GLI2: variants seen among roughly 807,000 people sequenced by gnomAD.
The protein encoded by GLI2 is GLI family zinc finger 2.
Under a neutral mutation model 78.9 loss-of-function variants are expected in GLI2, and 22 were observed. The ratio of observed to expected loss-of-function variants is 0.28; its 90% CI spans 0.20 to 0.40. GLI2 has a LOEUF of 0.40. Ranked by LOEUF, GLI2 falls within the 10% of genes least tolerant of loss-of-function variation. GLI2 has a pLI of 1.00. For missense variants in GLI2, 2,097 were observed against 2,213.2 expected (o/e 0.95, Z 1.05); for synonymous variants, 974 against 963.7 (o/e 1.01, Z -0.20).
chr2:120,820,608 G>A lies in GLI2; in HGVS notation c.148+23140G>A, dbSNP rs369224495. 2.4e-4 allele frequency among the ~76,000 whole-genome samples: 37 copies of A among 152,328 alleles called. 3 individuals carry two copies. Among genetic ancestry groups the A allele is most frequent in the East Asian group, 1.9e-3 (10 of 5,166 alleles). On this transcript the variant is annotated intron_variant, in intron 2 of 13. Transcript: ENST00000361492. ...TGGGCTCCGGACACCCTGCGGGGAC[G>A]GCTGCTGTCCACGCCAGTGTGTGGA...
intron 2 of GLI2, among the ~76,000 whole-genome samples, chr2:120,889,042 C>T (rs1286576118): frequency 6.6e-6 from 1 of 152,216 alleles, no homozygotes; most frequent in Non-Finnish European, 1.5e-5. Context: ...GAAAGGGCCC[C>T]TCCAGCAAGG....
intron 9 of GLI2, among the ~76,000 whole-genome samples, chr2:120,976,868 G>A (rs886573022): frequency 2.0e-5 from 3 of 152,224 alleles, no homozygotes; most frequent in African/African-American, 7.2e-5. Flanking sequence ...AAGATGGATG[G>A]AGCAGGCGCA....
At position 120,990,491 on chromosome 2, in the gene GLI2, C is replaced by G; in HGVS notation, c.4526C>G (p.Ser1509Trp). Residue 1509 changes from serine (S) to tryptophan (W), a missense_variant, in exon 14 of 14, where the codon TCG (serine) becomes TGG (tryptophan). Around this residue, in one of 5 missense-constraint regions of GLI2, gnomAD observed 1,290 missense variants for 1,261.7 expected, o/e 1.02. Coordinates refer to ENST00000361492, the MANE Select transcript of GLI2 (RefSeq NM_001374353.1). Reference protein sequence around the residue: ...MDDGDHSSLFSGALSPSLLHS... With the variant: ...MDDGDHSSLFWGALSPSLLHS... ...GATGGCGATCACTCGAGTTTGTTCT[C>G]GGGTGCTCTGAGCCCCAGCCTCCTC... The G allele has an allele frequency of 6.2e-7, 1 of 1,613,928 alleles. No homozygotes were observed. Among genetic ancestry groups the G allele is most frequent in the Non-Finnish European group, 8.5e-7 (1 of 1,179,962 alleles).
intron 1 of GLI2, among the ~76,000 whole-genome samples, chr2:120,789,351 C>A (rs139610793): frequency 6.6e-6 from 1 of 152,210 alleles, no homozygotes; most frequent in East Asian, 1.9e-4. Flanking sequence ...CCTGTGGGAA[C>A]GCTTTTTTTT....
chr2:120,892,661 T>C (rs531150721), intron 2 of GLI2, among the ~76,000 whole-genome samples: 1 of 152,350 alleles, frequency 6.6e-6, no homozygotes, highest in African/African-American at 2.4e-5. Flanking sequence ...TTAACACTGA[T>C]AATCAGTAAC....
chr2:120,801,194 A>G (rs756603724), intron 2 of GLI2, among the ~76,000 whole-genome samples: 1 of 152,198 alleles, frequency 6.6e-6, no homozygotes, highest in Non-Finnish European at 1.5e-5. Flanking sequence ...GCTAGAGTGC[A>G]GTGGCATGAT....
intron 1 of GLI2, among the ~76,000 whole-genome samples, chr2:120,791,410 C>T (rs1191544720): frequency 6.6e-6 from 1 of 152,182 alleles, no homozygotes; most frequent in Non-Finnish European, 1.5e-5. Flanking sequence ...GACTGGTGCC[C>T]AGCTCCTGGT....
chr2:120,858,745 G>A (rs1359897335), intron 2 of GLI2, among the ~76,000 whole-genome samples: 1 of 152,234 alleles, frequency 6.6e-6, no homozygotes, highest in Non-Finnish European at 1.5e-5. Context: ...TGTGGGGCAG[G>A]AGGCTGGGCT....
chr2:120,771,244 T>C (rs919591417), intron 1 of GLI2, among the ~76,000 whole-genome samples: 2 of 152,188 alleles, frequency 1.3e-5, no homozygotes, highest in Non-Finnish European at 2.9e-5. Context: ...CCTGTGTCGC[T>C]CAGCCCATTG....
At chr2:120,814,710 G>T (rs1685412396) in intron 2 of GLI2, among the ~76,000 whole-genome samples, 3 of 152,194 alleles carry the variant, frequency 2.0e-5, no homozygotes, top group Admixed American at 1.3e-4. Context: ...GATCTAGGTT[G>T]CGTGCTCCTT....
intron 10 of GLI2, among the ~76,000 whole-genome samples, chr2:120,980,954 C>T (rs1682692398): frequency 6.6e-6 from 1 of 151,776 alleles, no homozygotes; most frequent in East Asian, 1.9e-4. Flanking sequence ...CATCTTGGCT[C>T]ACTGCAACAT....
intron 2 of GLI2, among the ~76,000 whole-genome samples, chr2:120,923,114 TACAC>T (rs950091919): frequency 3.4e-5 from 5 of 145,618 alleles, no homozygotes; most frequent in East Asian, 2.1e-4. Flanking sequence ...CATATGCACA[TACAC>T]ACAGCAACAC....
intron 1 of GLI2, among the ~76,000 whole-genome samples, chr2:120,771,484 G>A (rs1683520472): frequency 6.6e-6 from 1 of 152,336 alleles, no homozygotes; most frequent in Middle Eastern, 3.4e-3. Flanking sequence ...GATTCTAAGG[G>A]GTCGATCAAA....
At chr2:120,915,883 T>A (rs1488683815) in intron 2 of GLI2, among the ~76,000 whole-genome samples, 1 of 152,138 alleles carries the variant, frequency 6.6e-6, no homozygotes, top group Non-Finnish European at 1.5e-5. Context: ...CACTGGTAAA[T>A]GGTCACCAGG....
At chr2:120,776,913 G>A (rs1338800908) in intron 1 of GLI2, among the ~76,000 whole-genome samples, 2 of 152,174 alleles carry the variant, frequency 1.3e-5, no homozygotes, top group East Asian at 3.9e-4. Context: ...TGTGGGCCAG[G>A]ACCTCTCCCA....
intron 3 of GLI2, among the ~76,000 whole-genome samples, chr2:120,941,195 C>T (rs539319272): frequency 2.6e-5 from 4 of 152,312 alleles, no homozygotes; most frequent in East Asian, 3.9e-4. Context: ...ACATGGACTG[C>T]GCTTCAGTTT....
rs1347413026 is a variant in GLI2 at position 120,769,749 on chromosome 2, G to A, written c.-30-27542G>A. Among the ~76,000 whole-genome samples the A allele has an allele frequency of 2.0e-5, 3 of 152,228 alleles. No individual in the cohort carries two copies. In the East Asian group the frequency reaches 5.8e-4, roughly 29 times the overall value. On this transcript the variant is annotated intron_variant, in intron 1 of 13. Coordinates refer to ENST00000361492, the MANE Select transcript of GLI2 (RefSeq NM_001374353.1). ...CTTCTGTGTGCATTTGCTTGCGTCT[G>A]TATGTGAGTGCATTTCTGAGTGTGC...
chr2:120,938,324 T>C (rs752809794), intron 3 of GLI2, among the ~76,000 whole-genome samples: 27 of 152,226 alleles, frequency 1.8e-4, no homozygotes, highest in African/African-American at 2.9e-4. Flanking sequence ...AACGTCTCCC[T>C]GATAATCCCC....
chr2:120,806,901 T>G (rs1182645339), intron 2 of GLI2, among the ~76,000 whole-genome samples: 2 of 152,178 alleles, frequency 1.3e-5, no homozygotes, highest in Admixed American at 6.5e-5. Flanking sequence ...CCCCAAAAGC[T>G]TGTGGTTCCC....
Sources: allele counts gnomAD v4.1 joint callset (sites outside exome capture counted in the v4.1 genomes callset), GRCh38; gene constraint gnomAD v4.1.1; regional missense constraint gnomAD v4.1.1; transcripts MANE v1.5; gene names NCBI Gene and HGNC (gene_info 2026-07-23, HGNC 2026-07-21).